The following NAV3 variants were observed in gnomAD, a reference collection of about 807,000 sequenced individuals.
NAV3 encodes pore membrane and/or filament interacting like protein 1.
In NAV3, 87 loss-of-function variants were observed where a neutral mutation model predicts 244.7. That is an observed-to-expected ratio of 0.36 (90% confidence interval 0.30 to 0.42). The LOEUF is 0.42. NAV3 is among the 20% of genes least tolerant of loss of function. NAV3 has a pLI of 1.00. For missense variants in NAV3, 2,663 were observed against 2,893.3 expected, an observed-to-expected ratio of 0.92 and a Z score of 1.83; for synonymous variants, 1,126 against 1,042.2, an observed-to-expected ratio of 1.08 and a Z score of -1.55.
intron 1 of NAV3, among the ~76,000 whole-genome samples, chr12:77,838,813 G>A (rs927619619): frequency 2.6e-5 from 4 of 152,166 alleles, no homozygotes; most frequent in African/African-American, 9.7e-5. Flanking sequence ...ACTTATGCTA[G>A]ATCCTAAAAG....
intron 1 of NAV3, among the ~76,000 whole-genome samples, chr12:77,868,208 T>C (rs1020779887): frequency 2.9e-5 from 4 of 139,456 alleles, no homozygotes; most frequent in African/African-American, 1.0e-4. Flanking sequence ...TATATAAAAA[T>C]GGGCCCTCCT....
chr12:78,107,109 C>CCT (rs1272027866), intron 12 of NAV3, among the ~76,000 whole-genome samples: 2 of 152,164 alleles, frequency 1.3e-5, no homozygotes, highest in Non-Finnish European at 2.9e-5. Context: ...ACTGTTACAA[C>CCT]AGATATGCAG....
At chr12:77,990,708 T>A (rs1871301769) in intron 5 of NAV3, among the ~76,000 whole-genome samples, 1 of 152,200 alleles carries the variant, frequency 6.6e-6, no homozygotes, top group African/African-American at 2.4e-5. Flanking sequence ...CATTTTCTCA[T>A]AAAGTTTAAC....
chr12:77,965,708 A>T (rs533632075), intron 3 of NAV3, among the ~76,000 whole-genome samples: 1 of 152,342 alleles, frequency 6.6e-6, no homozygotes, highest in South Asian at 2.1e-4. Flanking sequence ...TAATCAGCAG[A>T]TTATTCACCT....
chr12:77,782,978 G>A (rs894178625), intron 2 of NAV3, among the ~76,000 whole-genome samples: 7 of 152,084 alleles, frequency 4.6e-5, no homozygotes, highest in Non-Finnish European at 1.0e-4. Context: ...GAAGGTGGGA[G>A]GGAGCTTGGG....
At chr12:77,818,589 A>C (rs1425339721) in intron 2 of NAV3, among the ~76,000 whole-genome samples, 1 of 152,112 alleles carries the variant, frequency 6.6e-6, no homozygotes, top group Non-Finnish European at 1.5e-5. Flanking sequence ...GTGATTGCTA[A>C]CATACTTTGC....
At chr12:77,881,395 A>G (rs1882628288) in intron 1 of NAV3, among the ~76,000 whole-genome samples, 2 of 152,162 alleles carry the variant, frequency 1.3e-5, no homozygotes, top group African/African-American at 4.8e-5. Flanking sequence ...TATCAGGATC[A>G]GATTTGATAA....
rs938375866 is a variant in NAV3 at position 78,180,782 on chromosome 12, A to G, written c.5518-89A>G. On this transcript the variant is annotated intron_variant, in intron 29 of 39. Transcript: ENST00000397909. ...CATATTAACATGTTTTATTTAACAA[A>G]CAAGCTAATTAACTCTGATAAAAGA... The G allele has an allele frequency of 4.8e-5, 48 of 1,008,016 alleles. No individual in the cohort carries two copies. The South Asian group carries it at 8.0e-4, about 17-fold the overall frequency. 62.4% of individuals were successfully genotyped at this position (1,008,016 alleles called of 1,614,324 possible). A position where few individuals can be genotyped will look rare whatever the true frequency, so the allele number is the denominator to read the frequency against.
intron 5 of NAV3, among the ~76,000 whole-genome samples, chr12:77,974,537 A>G (rs1233416005): frequency 6.6e-6 from 1 of 151,948 alleles, no homozygotes; most frequent in Non-Finnish European, 1.5e-5. Flanking sequence ...GCCTCAGATG[A>G]TCTGCCCGCC....
intron 12 of NAV3, among the ~76,000 whole-genome samples, chr12:78,078,092 C>A (rs1051583065): frequency 1.3e-4 from 19 of 151,906 alleles, no homozygotes; most frequent in Admixed American, 1.2e-3. Flanking sequence ...ACATTGTCTT[C>A]CCTGTGTGTG....
At chr12:77,821,092 A>C (rs74501418) in intron 2 of NAV3, among the ~76,000 whole-genome samples, 2 of 150,186 alleles carry the variant, frequency 1.3e-5, no homozygotes, top group Non-Finnish European at 3.0e-5. Context: ...TGTTCGCACA[A>C]ACACACACAC....
At chr12:77,712,565 A>T (rs563939215) in intron 2 of NAV3, among the ~76,000 whole-genome samples, 2 of 152,220 alleles carry the variant, frequency 1.3e-5, no homozygotes, top group Non-Finnish European at 2.9e-5. Context: ...TTAGCCTGAT[A>T]TCCTAACCAG....
intron 2 of NAV3, among the ~76,000 whole-genome samples, chr12:77,698,651 A>G (rs1365015876): frequency 6.6e-6 from 1 of 152,178 alleles, no homozygotes; most frequent in African/African-American, 2.4e-5. Context: ...GTCACCCAGA[A>G]TATGTAGAAA....
chr12:77,772,195 G>A (rs1176632098), intron 2 of NAV3, among the ~76,000 whole-genome samples: 1 of 152,062 alleles, frequency 6.6e-6, no homozygotes, highest in Non-Finnish European at 1.5e-5. Context: ...GAGGGACAAC[G>A]CTAGTATTCA....
chr12:77,735,238 C>T (rs1236969060), intron 2 of NAV3, among the ~76,000 whole-genome samples: 1 of 151,974 alleles, frequency 6.6e-6, no homozygotes, highest in African/African-American at 2.4e-5. Flanking sequence ...GAAAATGAGT[C>T]CACTGATCAT....
In NAV3 at chr12:78,175,441, CT is replaced by C. The variant is rs771265048; in HGVS notation, c.5103+16del. On this transcript the variant is annotated intron_variant, in intron 25 of 39. Transcript: ENST00000397909. ...AAGAAAAACTGGGTAAGTTACCATC[CT>C]TCATCTAATTCAGAAGCTTATTAAT... The C allele has an allele frequency of 1.9e-6, 3 of 1,605,932 alleles. No homozygotes were observed. The South Asian group carries it at 3.3e-5, about 18-fold the overall frequency.
chr12:77,961,986 C>T (rs1365069766), intron 3 of NAV3, among the ~76,000 whole-genome samples: 1 of 151,988 alleles, frequency 6.6e-6, no homozygotes, highest in Non-Finnish European at 1.5e-5. Flanking sequence ...TTATTTAATT[C>T]TAAATCTAAT....
At chr12:78,056,178 C>A (rs1883477973) in intron 11 of NAV3, 1 of 152,156 alleles carries the variant, frequency 6.6e-6, no homozygotes, top group African/African-American at 2.4e-5. Flanking sequence ...TGACTCAGTT[C>A]TCTTACCTGT....
Position 77,846,879 on chromosome 12 carries a change from T to A in NAV3, c.243+15175T>A, listed in dbSNP as rs143850709. On this transcript the variant is annotated intron_variant, in intron 1 of 39. Coordinates refer to ENST00000397909, the MANE Select transcript of NAV3 (RefSeq NM_001024383.2). ...CCTTTTTCCTACCATTTTTAACCAG[T>A]GTTGGCAATGAAAATAATACACTTT... Among the ~76,000 whole-genome samples, 559 of 152,306 alleles carry A rather than the reference T, an allele frequency of 3.7e-3. 1 individual carries two copies. Among genetic ancestry groups the A allele is most frequent in the African/African-American group, 0.013 (543 of 41,562 alleles).
Sources: allele counts gnomAD v4.1 joint callset (sites outside exome capture counted in the v4.1 genomes callset), GRCh38; gene constraint gnomAD v4.1.1; transcripts MANE v1.5; gene names NCBI Gene and HGNC (gene_info 2026-07-23, HGNC 2026-07-21).